The following NUP93 variants were observed in gnomAD, a reference collection of about 807,000 sequenced individuals.
NUP93 encodes the protein nuclear pore complex protein Nup93.
A neutral mutation model predicts 107.8 loss-of-function variants in NUP93; 55 were observed. The observed-to-expected ratio is 0.51, with a 90% CI of 0.41 to 0.64. The LOEUF (loss-of-function observed/expected upper bound fraction) is 0.64, where lower values mean the gene tolerates loss of function less well. Ranked by LOEUF, NUP93 falls within the 30% of genes least tolerant of loss-of-function variation. The pLI, the probability that NUP93 is intolerant of heterozygous loss-of-function variation, is 0.00. For missense variants in NUP93, 937 were observed against 1,044.7 expected (o/e 0.90, Z 1.42); for synonymous variants, 390 against 397.5 (o/e 0.98, Z 0.22).
At chr16:56,815,193 G>T (rs1963395391) in intron 5 of NUP93, among the ~76,000 whole-genome samples, 1 of 152,148 alleles carries the variant, frequency 6.6e-6, no homozygotes. Flanking sequence ...CAACAACTGT[G>T]TCCTTGCAAA....
chr16:56,780,191 C>T (rs1267040879), intron 3 of NUP93, among the ~76,000 whole-genome samples: 1 of 151,988 alleles, frequency 6.6e-6, no homozygotes, highest in Non-Finnish European at 1.5e-5. Context: ...GGGTCTGGAA[C>T]AAAAAAAGCT....
rs894556665 is a variant in NUP93 at position 56,758,558 on chromosome 16, G to A, written c.200G>A (p.Arg67Gln). 6.2e-7 allele frequency: 1 copy of A among 1,613,220 alleles called. No individual in the cohort carries two copies. The highest frequency in any genetic ancestry group is 8.5e-7 in the Non-Finnish European group (1 of 1,179,460). The change falls in exon 3 of 22, where the codon CGG becomes CAG. Residue 67 changes from arginine (R) to glutamine (Q), a missense_variant. Coordinates refer to ENST00000308159, the MANE Select transcript of NUP93 (RefSeq NM_014669.5). Reference sequence around the variant, plus strand: ...CATAGGTCAGTTCTCCTCGGGTCTCGGGGACTTGACATATCCCACATCTCC... The same window carrying A: ...CATAGGTCAGTTCTCCTCGGGTCTCAGGGACTTGACATATCCCACATCTCC... The part of the protein sequence containing the change: ...DVKASVLLGS[R>Q]GLDISHISQR...
rs1319192941 is a variant in NUP93 at position 56,849,619 on chromosome 16, C to T, written c.*5010C>T. 1 of 152,214 alleles carries T rather than the reference C, an allele frequency of 6.6e-6. No individual in the cohort carries two copies. The highest frequency in any genetic ancestry group is 1.5e-5 in the Non-Finnish European group (1 of 68,052). 9.4% of individuals were successfully genotyped at this position (152,214 alleles called of 1,614,324 possible). A position where few individuals can be genotyped will look rare whatever the true frequency, so the allele number is the denominator to read the frequency against. Reference sequence around the variant, plus strand: ...TGGCCTGCAGGTAAGGCCCCTTCATCCGGGTCAGACTTAGCAAATAAAAAT... The same window carrying T: ...TGGCCTGCAGGTAAGGCCCCTTCATTCGGGTCAGACTTAGCAAATAAAAAT... On this transcript the variant is annotated 3_prime_UTR_variant, in exon 22 of 22. Coordinates refer to ENST00000308159, the MANE Select transcript of NUP93 (RefSeq NM_014669.5).
intron 5 of NUP93, among the ~76,000 whole-genome samples, chr16:56,812,740 C>G (rs1202788934): frequency 6.6e-6 from 1 of 152,156 alleles, no homozygotes; most frequent in African/African-American, 2.4e-5. Context: ...AAAAGGTATA[C>G]TTTTTAGAGG....
At chr16:56,844,337 G>A (rs1279370687) in intron 21 of NUP93, among the ~76,000 whole-genome samples, 162 bp from the exon 22 acceptor site, 3 of 152,206 alleles carry the variant, frequency 2.0e-5, no homozygotes, top group South Asian at 2.1e-4. Context: ...TTGAAGGAAT[G>A]TGACAGAGGA....
At chr16:56,796,280 T>C (rs1962896445) in intron 3 of NUP93, among the ~76,000 whole-genome samples, 1 of 152,214 alleles carries the variant, frequency 6.6e-6, no homozygotes, top group Non-Finnish European at 1.5e-5. Flanking sequence ...GTACCTTGTC[T>C]ATAATTAGAT....
At chr16:56,792,680 A>G (rs943894528) in intron 3 of NUP93, among the ~76,000 whole-genome samples, 3 of 152,232 alleles carry the variant, frequency 2.0e-5, no homozygotes, top group African/African-American at 7.2e-5. Flanking sequence ...ACCTGGCACA[A>G]AGTGATCACC....
At chr16:56,829,568 C>G (rs1368237382) in intron 9 of NUP93, among the ~76,000 whole-genome samples, 2 of 152,134 alleles carry the variant, frequency 1.3e-5, no homozygotes, top group Non-Finnish European at 1.5e-5. Context: ...CAAAGGGTGG[C>G]AGGATACAGA....
At chr16:56,777,985 G>C (rs1962445717) in intron 3 of NUP93, among the ~76,000 whole-genome samples, 1 of 152,202 alleles carries the variant, frequency 6.6e-6, no homozygotes, top group Non-Finnish European at 1.5e-5. Flanking sequence ...CAGCACTATG[G>C]AGATAATTCG....
chr16:56,810,076 T>C (rs1963280495), intron 5 of NUP93, among the ~76,000 whole-genome samples: 1 of 152,222 alleles, frequency 6.6e-6, no homozygotes, highest in African/African-American at 2.4e-5. Context: ...ATTGCTCTTC[T>C]CGTAAAAATA....
rs573308236 is a variant in NUP93, at chr16:56,808,523, TATAA to T, written c.489+2895_489+2898del. 5.7e-3 allele frequency among the ~76,000 whole-genome samples: 682 copies of T among 120,358 alleles called. 32 individuals are homozygous for T. Among genetic ancestry groups the T allele is most frequent in the African/African-American group, 0.022 (631 of 29,012 alleles). The allele number at this position is 120,358 out of a possible 152,430, so 79.0% of individuals were successfully genotyped here. On this transcript the variant is annotated intron_variant, in intron 5 of 21. Coordinates refer to ENST00000308159, the MANE Select transcript of NUP93 (RefSeq NM_014669.5). ...ATAAATATATAGTTATGTAACTATATATAAATATAGTTATATAACTATAAATATA... is the reference window on the plus strand; with the variant it reads ...ATAAATATATAGTTATGTAACTATATATATAGTTATATAACTATAAATATA...
At chr16:56,758,735 T>C in intron 3 of NUP93, 80 bp downstream of exon 3, 2 of 929,484 alleles carry the variant, frequency 2.2e-6, no homozygotes, top group Non-Finnish European at 3.5e-6. Context: ...ACTAGCAGAT[T>C]GAGGAATTTC....
chr16:56,748,167 G>T, intron 1 of NUP93, 67 bp from the exon 2 acceptor site: 3 of 1,106,340 alleles, frequency 2.7e-6, no homozygotes, highest in Non-Finnish European at 3.9e-6. Flanking sequence ...GCTTGTAACA[G>T]ATTCAGGCAG....
At chr16:56,832,170 A>G (rs1963807070) in intron 11 of NUP93, 125 bp from the exon 12 acceptor site, 1 of 1,224,656 alleles carries the variant, frequency 8.2e-7, no homozygotes, top group Non-Finnish European at 1.2e-6. Context: ...CCCAGCTCAT[A>G]ACCATAGCCT....
intron 6 of NUP93, among the ~76,000 whole-genome samples, chr16:56,820,046 C>T (rs1027752580): frequency 2.0e-5 from 3 of 152,148 alleles, no homozygotes; most frequent in African/African-American, 7.2e-5. Flanking sequence ...CCTCTATTGC[C>T]ATGGAGAGAA....
chr16:56,785,536 A>G (rs936715691), intron 3 of NUP93, among the ~76,000 whole-genome samples: 3 of 152,160 alleles, frequency 2.0e-5, no homozygotes, highest in Non-Finnish European at 4.4e-5. Flanking sequence ...CAAAAAATGT[A>G]TTTGTATCAA....
intron 5 of NUP93, among the ~76,000 whole-genome samples, chr16:56,809,017 C>T (rs1200632940): frequency 6.6e-6 from 1 of 151,890 alleles, no homozygotes; most frequent in Non-Finnish European, 1.5e-5. Context: ...GTTCTTATCC[C>T]CATTCCTTCT....
chr16:56,831,827 C>T lies in NUP93; in HGVS notation c.1086-15C>T, dbSNP rs1963796438. The stretch of plus-strand genomic sequence containing the variant: ...TTGAGTATGTATCTATCTGTCTGTT[C>T]CCTTATGTCTGTAGATTGTCCCCAG... On this transcript the variant is annotated splice_polypyrimidine_tract_variant and intron_variant, in intron 10 of 21. Coordinates refer to ENST00000308159, the MANE Select transcript of NUP93 (RefSeq NM_014669.5). The T allele has an allele frequency of 1.2e-6, 2 of 1,612,580 alleles. No homozygotes were observed. The highest frequency in any genetic ancestry group is 2.7e-5 in the African/African-American group (2 of 74,842).
intron 2 of NUP93, among the ~76,000 whole-genome samples, chr16:56,753,907 CAG>C (rs1296732269): frequency 1.3e-5 from 2 of 151,094 alleles, no homozygotes; most frequent in Non-Finnish European, 2.9e-5. Context: ...GTAGATGAAA[CAG>C]GGTTGGCTAC....
Sources: allele counts gnomAD v4.1 joint callset (sites outside exome capture counted in the v4.1 genomes callset), GRCh38; gene constraint gnomAD v4.1.1; transcripts MANE v1.5; gene names NCBI Gene and HGNC (gene_info 2026-07-23, HGNC 2026-07-21).